The following COL7A1 variants were observed in gnomAD, a reference collection of about 807,000 sequenced individuals.
COL7A1 encodes collagen type VII alpha 1 chain.
A neutral mutation model predicts 456.2 loss-of-function variants in COL7A1; 296 were observed. The observed-to-expected ratio is 0.65, with a 90% CI of 0.59 to 0.71. The LOEUF is 0.71. Ranked by LOEUF, COL7A1 falls within the 30% of genes least tolerant of loss-of-function variation. The pLI, the probability that COL7A1 is intolerant of heterozygous loss-of-function variation, is 0.00. For synonymous variants in COL7A1, 1,464 were observed against 1,525.9 expected, an observed-to-expected ratio of 0.96 and a Z score of 0.95; for missense variants, 3,441 against 4,017.2, an observed-to-expected ratio of 0.86 and a Z score of 3.88.
Position 48,574,742 on chromosome 3 carries a change from G to A in COL7A1, c.6349-21C>T, listed in dbSNP as rs368903244. The A allele has an allele frequency of 1.6e-4, 259 of 1,613,980 alleles. No homozygotes were observed. The highest frequency in any genetic ancestry group is 3.3e-4 in the Middle Eastern group (2 of 6,062). On this transcript the variant is annotated intron_variant, in intron 77 of 118. Transcript: ENST00000681320. The surrounding 1 kb of genome is among the most constrained non-coding windows in gnomAD (Gnocchi z 5.0). Reference sequence around the variant, plus strand: ...TCCCCCTGTGGGGATGAGATGTCAAGTCAGTCCCTAGTGCCATGGCAGAGG... The same window carrying A: ...TCCCCCTGTGGGGATGAGATGTCAAATCAGTCCCTAGTGCCATGGCAGAGG...
In COL7A1 at chr3:48,573,620, C is replaced by T. The variant is rs1176643947; in HGVS notation, c.6574-63G>A. The T allele has an allele frequency of 3.1e-6, 5 of 1,613,392 alleles. No homozygotes were observed. The highest frequency in any genetic ancestry group is 4.2e-6 in the Non-Finnish European group (5 of 1,179,664). ...GGATTAACACAGAGAAGGCCTGGCT[C>T]ATCAGCTGTGGCCAATGCCTATCCC... On this transcript the variant is annotated intron_variant, in intron 82 of 118. Transcript: ENST00000681320. The surrounding 1 kb of genome is among the most constrained non-coding windows in gnomAD (Gnocchi z 5.5).
chr3:48,579,400 T>C lies in COL7A1; in HGVS notation c.5276A>G (p.Asp1759Gly). The C allele has an allele frequency of 6.2e-7, 1 of 1,613,842 alleles. No homozygotes were observed. Among genetic ancestry groups the C allele is most frequent in the Non-Finnish European group, 8.5e-7 (1 of 1,179,972 alleles). The change falls in exon 61 of 119, where the codon GAC (aspartate) becomes GGC (glycine). Residue 1759 changes from aspartate to glycine, a missense_variant. Coordinates refer to ENST00000681320, the MANE Select transcript of COL7A1 (RefSeq NM_000094.4). The surrounding 1 kb of genome is among the most constrained non-coding windows in gnomAD (Gnocchi z 4.4). ...GFRGPPGPQGDPGVRGPAGEK... is the reference protein window; with the variant it reads ...GFRGPPGPQGGPGVRGPAGEK... Reference sequence around the variant, plus strand: ...TCCTGCTGGGCCTCGGACACCTGGGTCCCCCTGGAGGGAACAGGGTCAGAT... The same window carrying C: ...TCCTGCTGGGCCTCGGACACCTGGGCCCCCCTGGAGGGAACAGGGTCAGAT...
chr3:48,567,874 C>A lies in COL7A1; in HGVS notation c.7893G>T (p.Lys2631Asn). ...PRGLKGERGV[K>N]GACGLDGEKG... is the part of the protein sequence containing the mutation. ...TCTCTCCATCAAGGCCACAGGCTCC[C>A]TTCACTCCCCGTTCACCCTGAGGGA... The change falls in exon 107 of 119, where the codon AAG becomes AAT. Residue 2631 changes from lysine (K) to asparagine (N), a missense_variant. Physicochemically the swap from Lys to Asn is moderately conservative, Grantham distance 94. Around this residue, in one of 3 missense-constraint regions of COL7A1, gnomAD observed 2,084 missense variants for 2,501.3 expected, o/e 0.83. Coordinates refer to ENST00000681320, the MANE Select transcript of COL7A1 (RefSeq NM_000094.4). This position sits in a 1 kb window ranked among gnomAD's most constrained non-coding sequence, Gnocchi z 4.3. 6.2e-7 allele frequency: 1 copy of A among 1,614,170 alleles called. No homozygotes were observed. Among genetic ancestry groups the A allele is most frequent in the South Asian group, 1.1e-5 (1 of 91,088 alleles).
At position 48,569,778 on chromosome 3, in the gene COL7A1, G is replaced by A; in HGVS notation, c.7522-18C>T. ...ACATCACCCTATTGGGCAAAAGAGT[G>A]TGAGTCCCGCCCAAACTGGGGAGGC... is the stretch of plus-strand genomic sequence containing the variant. On this transcript the variant is annotated intron_variant, in intron 100 of 118. Coordinates refer to ENST00000681320, the MANE Select transcript of COL7A1 (RefSeq NM_000094.4). The surrounding 1 kb of genome is among the most constrained non-coding windows in gnomAD (Gnocchi z 4.9). 2.5e-6 allele frequency: 4 copies of A among 1,614,172 alleles called. No individual in the cohort carries two copies. Among genetic ancestry groups the A allele is most frequent in the Non-Finnish European group, 3.4e-6 (4 of 1,180,022 alleles).
At chr3:48,576,164 C>T in intron 71 of COL7A1, 85 bp downstream of exon 71, 3 of 1,588,724 alleles carry the variant, frequency 1.9e-6, no homozygotes, top group Non-Finnish European at 2.6e-6. Flanking sequence ...ACCTATGGAG[C>T]CTCATGGCAA....
chr3:48,567,725 TC>T lies in COL7A1; in HGVS notation c.7967del (p.Gly2656AspfsTer23). 5 of 1,614,064 alleles carry T rather than the reference TC, an allele frequency of 3.1e-6. No individual in the cohort carries two copies. The highest frequency in any genetic ancestry group is 4.2e-6 in the Non-Finnish European group (5 of 1,180,018). On this transcript the variant is annotated frameshift_variant, in exon 108 of 119. Transcript: ENST00000681320. LOFTEE classifies it high-confidence loss of function. The surrounding 1 kb of genome is among the most constrained non-coding windows in gnomAD (Gnocchi z 4.3). ...CCACACTCACCATCTCTCCTTTGTG[TC>T]CTGCCAGCCCGGGGCGGCCTGGGGG... ...AGPPGRPGLA[G>X]HKGEMGEPGV... is the part of the protein sequence containing the mutation.
At position 48,593,546 on chromosome 3, in the gene COL7A1, A is replaced by C; in HGVS notation, c.417T>G (p.Gly139=). The change falls in exon 4 of 119, where the codon GGT becomes GGG. Residue 139 remains glycine (G), a synonymous_variant. Coordinates refer to ENST00000681320, the MANE Select transcript of COL7A1 (RefSeq NM_000094.4). This position sits in a 1 kb window ranked among gnomAD's most constrained non-coding sequence, Gnocchi z 4.4. ...TAGGGGTAGGGATCACCTTGGGGAC[A>C]CCAGGTCGGGCCAGCTGGGGCAGGA... The part of the protein sequence containing the change: ...HVFLPQLARP[G]VPKVCILITD... 6.2e-7 allele frequency: 1 copy of C among 1,614,166 alleles called. No individual in the cohort carries two copies. Among genetic ancestry groups the C allele is most frequent in the Middle Eastern group, 1.6e-4 (1 of 6,062 alleles).
In COL7A1 at chr3:48,583,117, T is replaced by C. The variant is rs1239018533; in HGVS notation, c.4482+10A>G. ...TCCAGGGCCCTTGGCACCCCCCAGG[T>C]TGCACTTACCTTCTCTCCAGCCTCA... On this transcript the variant is annotated intron_variant, in intron 43 of 118. Transcript: ENST00000681320. The surrounding 1 kb of genome is among the most constrained non-coding windows in gnomAD (Gnocchi z 5.1). The C allele has an allele frequency of 2.5e-6, 4 of 1,613,736 alleles. No homozygotes were observed. The African/African-American group carries it at 5.3e-5, about 22-fold the overall frequency.
chr3:48,564,170 A>G lies in COL7A1; in HGVS notation c.*236T>C. On this transcript the variant is annotated 3_prime_UTR_variant, in exon 119 of 119. Transcript: ENST00000681320. The surrounding 1 kb of genome is among the most constrained non-coding windows in gnomAD (Gnocchi z 6.0). ...GGTCAGACGCCAGTCACATCCGCTC[A>G]CTGCCCACAGCCACCCCCCCACAGT... 1 of 615,296 alleles carries G rather than the reference A, an allele frequency of 1.6e-6. No homozygotes were observed. The highest frequency in any genetic ancestry group is 3.0e-6 in the Non-Finnish European group (1 of 336,906). 38.1% of individuals were successfully genotyped at this position (615,296 alleles called of 1,614,324 possible). A position where few individuals can be genotyped will look rare whatever the true frequency, so the allele number is the denominator to read the frequency against.
Position 48,582,959 on chromosome 3 carries a change from C to A in COL7A1, c.4518+54G>T, listed in dbSNP as rs187974052. 6,583 of 1,613,758 alleles carry A rather than the reference C, an allele frequency of 4.1e-3. 23 individuals are homozygous for A. The highest frequency in any genetic ancestry group is 5.3e-3 in the Non-Finnish European group (6,201 of 1,179,822). On this transcript the variant is annotated intron_variant, in intron 44 of 118. Transcript: ENST00000681320. ...GGGGTCAAGGGCAAGAAGTCAGAAC[C>A]AGAAAGGGCACAGCCAGGTCAGCTG...
At position 48,577,039 on chromosome 3, in the gene COL7A1, G is replaced by T; in HGVS notation, c.5533-12C>A. 6.2e-7 allele frequency: 1 copy of T among 1,613,884 alleles called. No individual in the cohort carries two copies. Among genetic ancestry groups the T allele is most frequent in the Non-Finnish European group, 8.5e-7 (1 of 1,180,038 alleles). On this transcript the variant is annotated splice_polypyrimidine_tract_variant and intron_variant, in intron 65 of 118. Transcript: ENST00000681320. The stretch of plus-strand genomic sequence containing the variant: ...TCCCCAGGTTCTCCCTGTGGGCAGA[G>T]GACTCACATCAGCCCAAACATTCAC...
In COL7A1 at chr3:48,584,065, G is replaced by C. The variant is rs1202836371; in HGVS notation, c.4198-4C>G. The C allele has an allele frequency of 6.2e-7, 1 of 1,614,024 alleles. No homozygotes were observed. The highest frequency in any genetic ancestry group is 1.3e-5 in the African/African-American group (1 of 74,914). On this transcript the variant is annotated splice_polypyrimidine_tract_variant and splice_region_variant and intron_variant, in intron 37 of 118. Coordinates refer to ENST00000681320, the MANE Select transcript of COL7A1 (RefSeq NM_000094.4). ...CCCCACGATCGCCTTTGTCACCCTA[G>C]AAAACAGATGACGACCCCATGACCC...
Position 48,580,348 on chromosome 3 carries a change from C to A in COL7A1, c.5053-4G>T. On this transcript the variant is annotated splice_region_variant and splice_polypyrimidine_tract_variant and intron_variant, in intron 55 of 118. Transcript: ENST00000681320. This position sits in a 1 kb window ranked among gnomAD's most constrained non-coding sequence, Gnocchi z 4.5. ...GTCCAGATGATCCAGGGCTGCCCTGCAGAAAGGCAGGGGTCAGGGCCACTC... is the reference window on the plus strand; with the variant it reads ...GTCCAGATGATCCAGGGCTGCCCTGAAGAAAGGCAGGGGTCAGGGCCACTC... 11 of 1,608,932 alleles carry A rather than the reference C, an allele frequency of 6.8e-6. No individual in the cohort carries two copies. The highest frequency in any genetic ancestry group is 9.3e-6 in the Non-Finnish European group (11 of 1,177,450).
In COL7A1 at chr3:48,570,929, C is replaced by T. The variant is rs761576147; in HGVS notation, c.7204G>A (p.Val2402Ile). 68 of 1,613,674 alleles carry T rather than the reference C, an allele frequency of 4.2e-5. No homozygotes were observed. Among genetic ancestry groups the T allele is most frequent in the African/African-American group, 6.7e-5 (5 of 74,934 alleles). The stretch of plus-strand genomic sequence containing the variant: ...CCTGTCTGACCCGGGAACCCAACAA[C>T]ACCAGGAGCACCGGGCAGGCCAGGG... ...GLPGLPGAPGVVGFPGQTGPR... is the reference protein window; with the variant it reads ...GLPGLPGAPGIVGFPGQTGPR... Residue 2402 changes from valine to isoleucine, a missense_variant, in exon 95 of 119, where the codon GTT becomes ATT. Coordinates refer to ENST00000681320, the MANE Select transcript of COL7A1 (RefSeq NM_000094.4). The surrounding 1 kb of genome is among the most constrained non-coding windows in gnomAD (Gnocchi z 5.5).
chr3:48,576,877 T>C lies in COL7A1; in HGVS notation c.5604+7A>G, dbSNP rs1488211470. 5 of 1,614,006 alleles carry C rather than the reference T, an allele frequency of 3.1e-6. No homozygotes were observed. Among genetic ancestry groups the C allele is most frequent in the Non-Finnish European group, 4.2e-6 (5 of 1,180,012 alleles). On this transcript the variant is annotated splice_region_variant and intron_variant, in intron 67 of 118. Transcript: ENST00000681320. ...GGTCAGAGGTTGCAGAAAACTCCAA[T>C]ACTCACTTCTCTCCCAGAGGCGCCT...
rs370033658 is a variant in COL7A1, at chr3:48,592,513, G to C, written c.977-46C>G. 1.1e-4 allele frequency: 180 copies of C among 1,613,328 alleles called. No homozygotes were observed. The highest frequency in any genetic ancestry group is 1.4e-4 in the Non-Finnish European group (163 of 1,179,940). On this transcript the variant is annotated intron_variant, in intron 8 of 118. Coordinates refer to ENST00000681320, the MANE Select transcript of COL7A1 (RefSeq NM_000094.4). This position sits in a 1 kb window ranked among gnomAD's most constrained non-coding sequence, Gnocchi z 7.6. Reference sequence around the variant, plus strand: ...GGATTCATGGAGTCAGAAGTGGGAGGGGGTACTGGGGTCGGGGGTTAGGTG... The same window carrying C: ...GGATTCATGGAGTCAGAAGTGGGAGCGGGTACTGGGGTCGGGGGTTAGGTG...
In COL7A1 at chr3:48,580,912, C is replaced by T. The variant is rs768732450; in HGVS notation, c.4950G>A (p.Leu1650=). The T allele has an allele frequency of 1.2e-6, 2 of 1,614,122 alleles. No individual in the cohort carries two copies. Among genetic ancestry groups the T allele is most frequent in the Non-Finnish European group, 1.7e-6 (2 of 1,180,030 alleles). The stretch of plus-strand genomic sequence containing the variant: ...GGCCACGCTCGCCTGCTTTTCCAGG[C>T]AAACCCGGGTCACCCTGGTGATAGA... ...GDEGPPGDPG[L]PGKAGERGLR... Residue 1650 remains leucine, a synonymous_variant, in exon 54 of 119, where the codon TTG becomes TTA. Transcript: ENST00000681320. This position sits in a 1 kb window ranked among gnomAD's most constrained non-coding sequence, Gnocchi z 4.5.
chr3:48,579,557 G>A lies in COL7A1; in HGVS notation c.5235+31C>T, dbSNP rs764024262. The stretch of plus-strand genomic sequence containing the variant: ...AAGAAATCAGAGCAGGCCCTCCCAT[G>A]CCTGCACCCCCGAGGACCAATCACA... On this transcript the variant is annotated intron_variant, in intron 59 of 118. Transcript: ENST00000681320. The surrounding 1 kb of genome is among the most constrained non-coding windows in gnomAD (Gnocchi z 4.4). The A allele has an allele frequency of 5.0e-6, 8 of 1,613,670 alleles. 1 individual carries two copies. The South Asian group carries it at 6.6e-5, about 13-fold the overall frequency.
In COL7A1 at chr3:48,586,966, C is replaced by G. The variant is rs376542325; in HGVS notation, c.3276+6G>C. The G allele has an allele frequency of 9.8e-5, 156 of 1,586,926 alleles. No homozygotes were observed. The highest frequency in any genetic ancestry group is 9.7e-5 in the Non-Finnish European group (113 of 1,167,008). On this transcript the variant is annotated splice_donor_region_variant and intron_variant, in intron 25 of 118. Transcript: ENST00000681320. This position sits in a 1 kb window ranked among gnomAD's most constrained non-coding sequence, Gnocchi z 5.1. Reference sequence around the variant, plus strand: ...GAGGTAGAATCTGGCTGCCCCAGGGCCAAACCTGAACTGCCTGTGGCCCAA... The same window carrying G: ...GAGGTAGAATCTGGCTGCCCCAGGGGCAAACCTGAACTGCCTGTGGCCCAA...
Sources: allele counts gnomAD v4.1 joint callset, GRCh38; gene constraint gnomAD v4.1.1; regional missense constraint gnomAD v4.1.1; non-coding constraint Gnocchi (gnomAD v3.1); transcripts MANE v1.5; gene names NCBI Gene and HGNC (gene_info 2026-07-23, HGNC 2026-07-21).